The following MYO10 variants were observed in gnomAD, a reference collection of about 807,000 sequenced individuals.
The protein encoded by MYO10 is unconventional myosin-X.
In MYO10, 133 loss-of-function variants were observed where a neutral mutation model predicts 257.3. That is an observed-to-expected ratio of 0.52 (90% CI 0.45 to 0.60). The LOEUF is 0.60. MYO10 is among the 20% of genes least tolerant of loss of function. The probability of loss-of-function intolerance (pLI) is 0.00; values close to 1 mark genes in which losing one functional copy is unlikely to be tolerated. For synonymous variants in MYO10, 1,104 were observed against 1,028.6 expected, an observed-to-expected ratio of 1.07 and a Z score of -1.40; for missense variants, 2,399 against 2,635.7, an observed-to-expected ratio of 0.91 and a Z score of 1.97.
intron 2 of MYO10, among the ~76,000 whole-genome samples, chr5:16,845,632 T>C (rs73060776): frequency 0.049 from 7,443 of 152,142 alleles, 633 homozygotes; most frequent in African/African-American, 0.17. Context: ...CTGGATGACA[T>C]GGTGAGACCC....
At chr5:16,746,349 T>C (rs1017560252) in intron 19 of MYO10, among the ~76,000 whole-genome samples, 3 of 152,160 alleles carry the variant, frequency 2.0e-5, no homozygotes, top group Admixed American at 2.0e-4. Context: ...TGACCTCCTA[T>C]CTCATCCTGT....
At chr5:16,888,926 C>G (rs1229321217) in intron 1 of MYO10, among the ~76,000 whole-genome samples, 1 of 152,096 alleles carries the variant, frequency 6.6e-6, no homozygotes, top group African/African-American at 2.4e-5. Flanking sequence ...AATCCCAGCA[C>G]TTTTGAGAGG....
In MYO10 at chr5:16,670,881, G is replaced by A. The variant is rs750768144; in HGVS notation, c.5528C>T (p.Thr1843Ile). The change falls in exon 39 of 41, where the codon ACT (threonine) becomes ATT (isoleucine). Residue 1843 changes from threonine (T) to isoleucine (I), a missense_variant. Physicochemically the swap from Thr to Ile is moderately conservative, Grantham distance 89 (BLOSUM62 -1). Coordinates refer to ENST00000513610, the MANE Select transcript of MYO10 (RefSeq NM_012334.3). ...LRLQYLQGDY[T>I]LHAAIPPLEE... ...GAGAGGTGGGATGGCAGCGTGCAGA[G>A]TATAATCCCCCTGCAGATACTGGAG... is the stretch of plus-strand genomic sequence containing the variant. 10 of 1,613,982 alleles carry A rather than the reference G, an allele frequency of 6.2e-6. 1 individual carries two copies. In the Admixed American group the frequency reaches 1.0e-4, roughly 16 times the overall value.
intron 3 of MYO10, among the ~76,000 whole-genome samples, chr5:16,815,857 T>A (rs1202533116): frequency 1.3e-5 from 2 of 151,962 alleles, no homozygotes; most frequent in Non-Finnish European, 2.9e-5. Context: ...ATCGCCACTT[T>A]CACACCAACA....
At chr5:16,824,966 G>T (rs1452161545) in intron 2 of MYO10, among the ~76,000 whole-genome samples, 1 of 152,146 alleles carries the variant, frequency 6.6e-6, no homozygotes, top group African/African-American at 2.4e-5. Context: ...ACAATATTAT[G>T]TCATATTATA....
chr5:16,902,318 TG>T (rs1322578503), intron 1 of MYO10: 2 of 899,044 alleles, frequency 2.2e-6, no homozygotes, highest in Non-Finnish European at 3.7e-6. Flanking sequence ...GTAGGGGACA[TG>T]GGGCAGCACC....
chr5:16,755,733 T>G (rs1740509836), intron 18 of MYO10, among the ~76,000 whole-genome samples: 1 of 151,746 alleles, frequency 6.6e-6, no homozygotes, highest in Admixed American at 6.6e-5. Context: ...TTTTTTTTTT[T>G]TTTTTTTTAG....
chr5:16,858,888 G>T (rs184094082), intron 2 of MYO10, among the ~76,000 whole-genome samples: 3 of 152,150 alleles, frequency 2.0e-5, no homozygotes, highest in Admixed American at 2.0e-4. Context: ...AACCCGGGAG[G>T]TGGAGGTGGC....
At chr5:16,762,148 A>G in intron 15 of MYO10, 35 bp from the exon 16 acceptor site, 6 of 1,390,538 alleles carry the variant, frequency 4.3e-6, no homozygotes, top group Non-Finnish European at 5.7e-6. Flanking sequence ...AAAAAAATAC[A>G]ATGCCTTATT....
At chr5:16,732,981 AAAATT>A (rs1216927757) in intron 19 of MYO10, among the ~76,000 whole-genome samples, 2 of 152,164 alleles carry the variant, frequency 1.3e-5, no homozygotes, top group African/African-American at 4.8e-5. Flanking sequence ...TAAAAGTACA[AAAATT>A]AGCCAGGCAT....
At chr5:16,828,680 G>A (rs1743072527) in intron 2 of MYO10, among the ~76,000 whole-genome samples, 1 of 151,422 alleles carries the variant, frequency 6.6e-6, no homozygotes, top group African/African-American at 2.4e-5. Context: ...GGGCAGGGTA[G>A]AGAGGAGGAA....
intron 1 of MYO10, among the ~76,000 whole-genome samples, chr5:16,921,490 A>G (rs1004522967): frequency 7.9e-5 from 12 of 152,142 alleles, no homozygotes; most frequent in Non-Finnish European, 1.8e-4. Flanking sequence ...TAAATGCCCA[A>G]ACCTTATGGG....
At chr5:16,881,317 T>G (rs554278218) in intron 1 of MYO10, among the ~76,000 whole-genome samples, 1 of 152,332 alleles carries the variant, frequency 6.6e-6, no homozygotes, top group African/African-American at 2.4e-5. Flanking sequence ...ATTTTTTCAC[T>G]CCAGCGTGCA....
chr5:16,773,661 CAAAAA>C, intron 9 of MYO10, among the ~76,000 whole-genome samples: 1 of 113,082 alleles, frequency 8.8e-6, no homozygotes. Flanking sequence ...GACCTTGTCT[CAAAAA>C]AAAAAAAAAA....
intron 2 of MYO10, among the ~76,000 whole-genome samples, chr5:16,876,881 C>A (rs987143481): frequency 1.4e-4 from 22 of 152,126 alleles, no homozygotes; most frequent in Non-Finnish European, 2.9e-4. Flanking sequence ...ATTCTCCCCC[C>A]AAATTAATAT....
intron 1 of MYO10, among the ~76,000 whole-genome samples, chr5:16,884,108 A>C (rs1372876479): frequency 2.6e-5 from 4 of 152,202 alleles, no homozygotes; most frequent in Non-Finnish European, 5.9e-5. Context: ...AAAGATGCAG[A>C]GGGCTGGCAC....
At chr5:16,705,990 C>G (rs564391469) in intron 21 of MYO10, among the ~76,000 whole-genome samples, 1 of 152,084 alleles carries the variant, frequency 6.6e-6, no homozygotes. Context: ...GGAGACCAGC[C>G]TGGCCAACAT....
In MYO10 at chr5:16,702,786, T is replaced by C. The variant is rs1248270508; in HGVS notation, c.2510+139A>G. 3 of 948,652 alleles carry C rather than the reference T, an allele frequency of 3.2e-6. No homozygotes were observed. In the Admixed American group the frequency reaches 8.5e-5, roughly 27 times the overall value. The allele number at this position is 948,652 out of a possible 1,614,324, so 58.8% of individuals were successfully genotyped here. The stretch of plus-strand genomic sequence containing the variant: ...TCTTTAATGCTGCCAAGGAATTTTA[T>C]ATTCTAGCCACCTAGAGTTACTGTT... On this transcript the variant is annotated intron_variant, in intron 23 of 40. Transcript: ENST00000513610.
rs1736707045 is a variant in MYO10, at chr5:16,676,044, G to A, written c.4653C>T (p.Asp1551=). ...HSPLLPLPYG[D]INLNLLKDKG... The stretch of plus-strand genomic sequence containing the variant: ...CTCTGGACTTACAGTTGAGATTTAT[G>A]TCCCCATACGGAAGGGGCAGGAGCG... Residue 1551 remains aspartate, a synonymous_variant, in exon 34 of 41, where the codon GAC becomes GAT. Transcript: ENST00000513610. 18 of 1,608,950 alleles carry A rather than the reference G, an allele frequency of 1.1e-5. No individual in the cohort carries two copies. In the East Asian group the frequency reaches 1.6e-4, roughly 14 times the overall value.
Sources: allele counts gnomAD v4.1 joint callset (sites outside exome capture counted in the v4.1 genomes callset), GRCh38; gene constraint gnomAD v4.1.1; transcripts MANE v1.5; gene names NCBI Gene and HGNC (gene_info 2026-07-23, HGNC 2026-07-21).